The following ALLC variants were observed in gnomAD, a reference collection of about 807,000 sequenced individuals.
ALLC encodes probable inactive allantoicase.
In ALLC, 40 loss-of-function variants were observed where a neutral mutation model predicts 45.0. The observed-to-expected ratio is 0.89, with a 90% CI of 0.69 to 1.16. ALLC has a LOEUF of 1.16. ALLC is among the 50% of genes most tolerant of loss of function. ALLC has a pLI of 0.00. For synonymous variants in ALLC, 176 were observed against 178.1 expected (o/e 0.99, Z 0.09); for missense variants, 488 against 493.1 (o/e 0.99, Z 0.10).
upstream of ALLC, among the ~76,000 whole-genome samples, chr2:3,655,853 G>A (rs10194710): frequency 0.024 from 3,622 of 152,140 alleles, 135 homozygotes; most frequent in African/African-American, 0.082. Flanking sequence ...GACAAGCCTC[G>A]AGCATTGCCC....
chr2:3,656,656 C>G (rs748671865), upstream of ALLC, among the ~76,000 whole-genome samples: 11 of 152,236 alleles, frequency 7.2e-5, no homozygotes, highest in Non-Finnish European at 1.3e-4. Context: ...CCAGCATCGC[C>G]CTGGAGCTTG....
chr2:3,682,950 C>T lies in ALLC; in HGVS notation c.387C>T (p.Ser129=), dbSNP rs372636443. 17 of 1,612,198 alleles carry T rather than the reference C, an allele frequency of 1.1e-5. No homozygotes were observed. The highest frequency in any genetic ancestry group is 4.0e-5 in the African/African-American group (3 of 74,926). The change falls in exon 7 of 12, where the codon TCC becomes TCT. Residue 129 remains serine, a synonymous_variant. Coordinates refer to ENST00000252505, the MANE Select transcript of ALLC (RefSeq NM_018436.4). ...TCTATATTTATTGCTAGCTAAAATCCGACGACTGGAGTTACTTGGTTCCCA... is the reference window on the plus strand; with the variant it reads ...TCTATATTTATTGCTAGCTAAAATCTGACGACTGGAGTTACTTGGTTCCCA... The part of the protein sequence containing the change: ...EEFEAIAELK[S]DDWSYLVPMT...
chr2:3,691,345 TTTGGCTCAGATGA>T (rs200723886), intron 7 of ALLC, among the ~76,000 whole-genome samples: 6,172 of 152,106 alleles, frequency 0.041, 192 homozygotes, highest in Non-Finnish European at 0.063. Context: ...TTCAACCTCC[TTTGGCTCAGATGA>T]TTCTCCCACA....
At position 3,683,027 on chromosome 2, in the gene ALLC, T is replaced by C. The variant is rs752577138; in HGVS notation, c.464T>C (p.Val155Ala). 2 of 1,614,038 alleles carry C rather than the reference T, an allele frequency of 1.2e-6. No individual in the cohort carries two copies. Among genetic ancestry groups the C allele is most frequent in the Non-Finnish European group, 1.7e-6 (2 of 1,179,890 alleles). ...GCTTCCGGCCACAACTATTTTCTTG[T>C]CAATTCCCAGCAGAGATGGACTCAT... ...NPASGHNYFL[V>A]NSQQRWTHIR... Residue 155 changes from valine (V) to alanine (A), a missense_variant, in exon 7 of 12, where the codon GTC becomes GCC. Coordinates refer to ENST00000252505, the MANE Select transcript of ALLC (RefSeq NM_018436.4).
intron 10 of ALLC, among the ~76,000 whole-genome samples, chr2:3,699,194 A>G (rs1309743716): frequency 6.6e-6 from 1 of 152,054 alleles, no homozygotes; most frequent in East Asian, 1.9e-4. Context: ...TCCACCTTCA[A>G]TTATGCCCCA....
chr2:3,673,224 C>T (rs945825192), intron 2 of ALLC, among the ~76,000 whole-genome samples: 7 of 152,222 alleles, frequency 4.6e-5, no homozygotes, highest in African/African-American at 1.7e-4. Context: ...ACACGCTGCG[C>T]GTTTGTGAGA....
chr2:3,655,949 C>G, upstream of ALLC, among the ~76,000 whole-genome samples: 1 of 152,324 alleles, frequency 6.6e-6, no homozygotes, highest in South Asian at 2.1e-4. Context: ...GTTGCCCGCT[C>G]CGGTGGGGGA....
the ALLC span, among the ~76,000 whole-genome samples, chr2:3,651,954 G>A: frequency 6.6e-6 from 1 of 152,258 alleles, no homozygotes; most frequent in Non-Finnish European, 1.5e-5. Context: ...TGTGGCCGGT[G>A]AGGGCTGAGG....
upstream of ALLC, among the ~76,000 whole-genome samples, chr2:3,656,773 C>CGGTGTGGAGGGCAGAGGTCAG (rs1298809072): frequency 5.2e-3 from 737 of 141,536 alleles, 2 homozygotes; most frequent in Non-Finnish European, 8.2e-3. Flanking sequence ...GGAGCCAGCT[C>CGGTGTGGAGGGCAGAGGTCAG]GGTGTGGAGG....
chr2:3,665,122 G>T (rs902502593), intron 1 of ALLC, among the ~76,000 whole-genome samples: 14 of 152,178 alleles, frequency 9.2e-5, no homozygotes, highest in Non-Finnish European at 4.4e-5. Context: ...CTCGGGTGGT[G>T]CCTGTCGCAG....
Position 3,702,443 on chromosome 2 carries a change from C to T in ALLC, c.1056C>T (p.Ile352=), listed in dbSNP as rs760626316. ...QDVITHARLT[I]VPDGGVSRLR... ...TCATCACTCACGCCAGGCTCACCAT[C>T]GTCCCCGACGGGGGAGTGAGCCGCC... is the stretch of plus-strand genomic sequence containing the variant. Residue 352 remains isoleucine (I), a synonymous_variant, in exon 12 of 12, where the codon ATC becomes ATT. Transcript: ENST00000252505. 28 of 1,612,804 alleles carry T rather than the reference C, an allele frequency of 1.7e-5. No individual in the cohort carries two copies. The East Asian group carries it at 6.2e-4, about 36-fold the overall frequency.
At chr2:3,650,525 C>T in the ALLC span, among the ~76,000 whole-genome samples, 1 of 150,620 alleles carries the variant, frequency 6.6e-6, no homozygotes. Context: ...AGCTCCAGCC[C>T]CAGCAGCACC....
In ALLC at chr2:3,674,135, A is replaced by G. The variant is rs1666962496; in HGVS notation, c.84+10A>G. The G allele has an allele frequency of 6.4e-7, 1 of 1,552,650 alleles. No homozygotes were observed. The highest frequency in any genetic ancestry group is 8.7e-7 in the Non-Finnish European group (1 of 1,143,298). On this transcript the variant is annotated intron_variant, in intron 3 of 11. Transcript: ENST00000252505. ...AGAAAACCTCATAAAGGTATTGTAA[A>G]TTGACATTCTGCAATGTAAAGGGTT...
chr2:3,648,946 G>A, the ALLC span, among the ~76,000 whole-genome samples: 7 of 152,072 alleles, frequency 4.6e-5, no homozygotes, highest in African/African-American at 1.7e-4. Context: ...TGTGTAGGGC[G>A]GTCGGCGTGG....
At chr2:3,664,918 A>G (rs932870263) in intron 1 of ALLC, among the ~76,000 whole-genome samples, 6 of 151,006 alleles carry the variant, frequency 4.0e-5, no homozygotes, top group African/African-American at 1.5e-4. Context: ...CCCCCCCCAA[A>G]CCAGATGTTT....
intron 5 of ALLC, 35 bp from the exon 6 acceptor site, chr2:3,681,599 C>G (rs1225318992): frequency 6.6e-7 from 1 of 1,518,248 alleles, no homozygotes; most frequent in Admixed American, 1.8e-5. Flanking sequence ...ATTTTGAACC[C>G]TAATCTTAAT....
intron 1 of ALLC, among the ~76,000 whole-genome samples, chr2:3,665,749 T>C (rs1031119812): frequency 1.3e-5 from 2 of 152,248 alleles, no homozygotes; most frequent in Admixed American, 1.3e-4. Context: ...GTCTTTGCTA[T>C]TGTGAATAGT....
intron 4 of ALLC, among the ~76,000 whole-genome samples, chr2:3,678,818 A>G (rs1361076145): frequency 6.6e-6 from 1 of 152,192 alleles, no homozygotes; most frequent in Non-Finnish European, 1.5e-5. Context: ...CTGCGGATGG[A>G]AAAAAGAGTG....
rs771038366 is a variant in ALLC at position 3,680,022 on chromosome 2, T to G, written c.298+28T>G. On this transcript the variant is annotated intron_variant, in intron 5 of 11. Transcript: ENST00000252505. This position sits in a 1 kb window ranked among gnomAD's most constrained non-coding sequence, Gnocchi z 4.0. ...GCGTTAGGAACCACTGTCCCCAAAA[T>G]GAGAATTATGGGTCACATGGCTCCT... 3 of 1,612,696 alleles carry G rather than the reference T, an allele frequency of 1.9e-6. No individual in the cohort carries two copies. In the East Asian group the frequency reaches 6.7e-5, roughly 36 times the overall value.
Sources: allele counts gnomAD v4.1 joint callset (sites outside exome capture counted in the v4.1 genomes callset), GRCh38; gene constraint gnomAD v4.1.1; non-coding constraint Gnocchi (gnomAD v3.1); transcripts MANE v1.5; gene names NCBI Gene and HGNC (gene_info 2026-07-23, HGNC 2026-07-21).